GLIS2: variants seen among roughly 807,000 people sequenced by gnomAD.
GLIS2 encodes the protein zinc finger protein GLIS2.
A neutral mutation model predicts 35.6 loss-of-function variants in GLIS2; 14 were observed. That is an observed-to-expected ratio of 0.39 (90% CI 0.26 to 0.61). The LOEUF (loss-of-function observed/expected upper bound fraction) is 0.61. Among genes scored for constraint, GLIS2 ranks in the 20% least tolerant of loss-of-function variants. The probability of loss-of-function intolerance (pLI) is 0.48; values close to 1 mark genes in which losing one functional copy is unlikely to be tolerated. For missense variants in GLIS2, 675 were observed against 713.4 expected, an observed-to-expected ratio of 0.95 and a Z score of 0.61; for synonymous variants, 368 against 325.1, an observed-to-expected ratio of 1.13 and a Z score of -1.42.
intron 1 of GLIS2, among the ~76,000 whole-genome samples, chr16:4,321,310 A>G (rs568715061): frequency 6.6e-6 from 1 of 152,252 alleles, no homozygotes; most frequent in East Asian, 1.9e-4. Context: ...AGAGGCATCT[A>G]TGTCAGGAGA....
chr16:4,327,984 C>G (rs922900041), intron 1 of GLIS2, among the ~76,000 whole-genome samples: 1 of 152,036 alleles, frequency 6.6e-6, no homozygotes, highest in Admixed American at 6.5e-5. Flanking sequence ...AGAGACGCGG[C>G]CCTGGGCTCT....
chr16:4,315,383 GA>G (rs986104399), upstream of GLIS2: 30 of 152,262 alleles, frequency 2.0e-4, no homozygotes, highest in Admixed American at 3.9e-4. Context: ...GCTGGGCGGA[GA>G]AATCAGGGCC....
chr16:4,339,365 A>AGGGCCGGTGTACTTTTTGT lies in GLIS2; in HGVS notation c.*1844_*1862dup, dbSNP rs1406872975. The AGGGCCGGTGTACTTTTTGT allele has an allele frequency of 1.3e-5, 2 of 152,720 alleles. No homozygotes were observed. Among genetic ancestry groups the AGGGCCGGTGTACTTTTTGT allele is most frequent in the African/African-American group, 4.8e-5 (2 of 41,468 alleles). 9.5% of individuals were successfully genotyped at this position (152,720 alleles called of 1,614,324 possible). ...GACTCGGTGACGGACCAGGCTCGGCAGGGCCGGTGTACTTTTTGTGGTTGT... is the reference window on the plus strand; with the variant it reads ...GACTCGGTGACGGACCAGGCTCGGCAGGGCCGGTGTACTTTTTGTGGGCCGGTGTACTTTTTGTGGTTGT... On this transcript the variant is annotated 3_prime_UTR_variant, in exon 7 of 7. Coordinates refer to ENST00000433375, the MANE Select transcript of GLIS2 (RefSeq NM_032575.3).
Position 4,317,898 on chromosome 16 carries a change from C to A in GLIS2, c.-67+1644C>A, listed in dbSNP as rs561090481. 2.6e-5 allele frequency among the ~76,000 whole-genome samples: 4 copies of A among 152,216 alleles called. No homozygotes were observed. In the East Asian group the frequency reaches 7.7e-4, roughly 29 times the overall value. On this transcript the variant is annotated intron_variant, in intron 1 of 6. Transcript: ENST00000433375. ...TTTCCGGAGCTGCCATTAGCGCTGACCCCCTGTGCCTGCCCGCCCTTCCCT... is the reference window on the plus strand; with the variant it reads ...TTTCCGGAGCTGCCATTAGCGCTGAACCCCTGTGCCTGCCCGCCCTTCCCT...
chr16:4,321,161 G>A (rs963891752), intron 1 of GLIS2, among the ~76,000 whole-genome samples: 2 of 152,212 alleles, frequency 1.3e-5, no homozygotes, highest in Non-Finnish European at 2.9e-5. Flanking sequence ...GGGGGCCAGG[G>A]CTGGGAGGGC....
rs746233571 is a variant in GLIS2 at position 4,336,982 on chromosome 16, G to A, written c.1033G>A (p.Gly345Ser). The change falls in exon 7 of 7, where the codon GGC becomes AGC. Residue 345 changes from glycine to serine, a missense_variant. Gly to Ser is a moderately conservative substitution (Grantham distance 56). Around this residue, in one of 3 missense-constraint regions of GLIS2, gnomAD observed 317 missense variants for 283.2 expected, o/e 1.12. Coordinates refer to ENST00000433375, the MANE Select transcript of GLIS2 (RefSeq NM_032575.3). Reference protein sequence around the residue: ...PKPPLPAPDGGPYVSGAQIII... With the variant: ...PKPPLPAPDGSPYVSGAQIII... ...GCCGCCACTGCCCGCCCCCGACGGCGGCCCCTATGTCAGTGGGGCCCAGAT... is the reference window on the plus strand; with the variant it reads ...GCCGCCACTGCCCGCCCCCGACGGCAGCCCCTATGTCAGTGGGGCCCAGAT... 1.7e-5 allele frequency: 27 copies of A among 1,609,016 alleles called. No homozygotes were observed. Among genetic ancestry groups the A allele is most frequent in the East Asian group, 1.1e-4 (5 of 44,744 alleles).
chr16:4,324,295 C>G (rs758760929), intron 1 of GLIS2, among the ~76,000 whole-genome samples: 3 of 149,866 alleles, frequency 2.0e-5, no homozygotes, highest in Non-Finnish European at 4.4e-5. Flanking sequence ...TCTGCTGGGC[C>G]AGGCCTCAGG....
intron 1 of GLIS2, among the ~76,000 whole-genome samples, chr16:4,319,059 T>C (rs1406226623): frequency 1.3e-5 from 2 of 152,052 alleles, no homozygotes; most frequent in Non-Finnish European, 2.9e-5. Context: ...CCTCCGAAGG[T>C]TCCTGCCTCT....
chr16:4,337,665 C>G lies in GLIS2; in HGVS notation c.*141C>G. 8.0e-7 allele frequency: 1 copy of G among 1,249,008 alleles called. No homozygotes were observed. Among genetic ancestry groups the G allele is most frequent in the Non-Finnish European group, 1.1e-6 (1 of 891,738 alleles). 77.4% of individuals were successfully genotyped at this position (1,249,008 alleles called of 1,614,324 possible). Reference sequence around the variant, plus strand: ...CAGCCCGCCGGGAGCAAGGATGGTGCTAGGTCATTCATGGCTGGCCTCCCA... The same window carrying G: ...CAGCCCGCCGGGAGCAAGGATGGTGGTAGGTCATTCATGGCTGGCCTCCCA... On this transcript the variant is annotated 3_prime_UTR_variant, in exon 7 of 7. Transcript: ENST00000433375.
At chr16:4,327,668 G>T (rs931276216) in intron 1 of GLIS2, among the ~76,000 whole-genome samples, 6 of 151,588 alleles carry the variant, frequency 4.0e-5, no homozygotes, top group African/African-American at 1.5e-4. Flanking sequence ...GTGGCGGGGG[G>T]CCCGCCCAGC....
intron 1 of GLIS2, among the ~76,000 whole-genome samples, chr16:4,326,266 A>G (rs753357252): frequency 1.2e-4 from 19 of 152,164 alleles, no homozygotes; most frequent in African/African-American, 3.4e-4. Context: ...AAACAAAAAA[A>G]ACAAAGGTGA....
chr16:4,333,331 T>C lies in GLIS2; in HGVS notation c.173-16T>C, dbSNP rs372627676. On this transcript the variant is annotated splice_polypyrimidine_tract_variant and intron_variant, in intron 2 of 6. Coordinates refer to ENST00000433375, the MANE Select transcript of GLIS2 (RefSeq NM_032575.3). Reference sequence around the variant, plus strand: ...CTCTACACTCCAGCACACCCTGAACTGTGCCTCTCCCTCAGGCTTCCTGCT... The same window carrying C: ...CTCTACACTCCAGCACACCCTGAACCGTGCCTCTCCCTCAGGCTTCCTGCT... 839 of 1,612,654 alleles carry C rather than the reference T, an allele frequency of 5.2e-4. 6 individuals are homozygous for C. Among genetic ancestry groups the C allele is most frequent in the South Asian group, 5.0e-3 (452 of 91,076 alleles).
chr16:4,319,511 C>T (rs543718546), intron 1 of GLIS2, among the ~76,000 whole-genome samples: 2 of 152,242 alleles, frequency 1.3e-5, no homozygotes, highest in African/African-American at 2.4e-5. Context: ...TGGGAACTTG[C>T]GCCCTGCCCC....
At position 4,316,207 on chromosome 16, in the gene GLIS2, C is replaced by A. The variant is rs1296859015; in HGVS notation, c.-114C>A. Among the ~76,000 whole-genome samples the A allele has an allele frequency of 6.9e-6, 1 of 145,148 alleles. No homozygotes were observed. The highest frequency in any genetic ancestry group is 2.0e-4 in the East Asian group (1 of 4,894). On this transcript the variant is annotated 5_prime_UTR_variant, in exon 1 of 7. Transcript: ENST00000433375. ...CCCCCGCTCGGCTCCCCGCGCCCCC[C>A]GACCGCCGGAGCCCGCAGCCCGGAT... is the stretch of plus-strand genomic sequence containing the variant.
chr16:4,334,967 G>A lies in GLIS2; in HGVS notation c.512G>A (p.Arg171His), dbSNP rs759084039. Residue 171 changes from arginine to histidine, a missense_variant, in exon 4 of 7, where the codon CGC (arginine) becomes CAC (histidine). Coordinates refer to ENST00000433375, the MANE Select transcript of GLIS2 (RefSeq NM_032575.3). ...CCCCTGCCCAAGCAGCTGGTGTGTC[G>A]CTGGGCCAAGGTGAGTGGGGGCCAG... is the stretch of plus-strand genomic sequence containing the variant. ...DLPLPKQLVC[R>H]WAKCNQLFEL... 10 of 1,613,064 alleles carry A rather than the reference G, an allele frequency of 6.2e-6. No homozygotes were observed. Among genetic ancestry groups the A allele is most frequent in the African/African-American group, 1.3e-5 (1 of 74,924 alleles).
rs1393848325 is a variant in GLIS2, at chr16:4,336,857, G to A, written c.908G>A (p.Arg303His). 9 of 1,613,236 alleles carry A rather than the reference G, an allele frequency of 5.6e-6. No homozygotes were observed. The East Asian group carries it at 8.9e-5, about 16-fold the overall frequency. Residue 303 changes from arginine to histidine, a missense_variant, in exon 7 of 7, where the codon CGC (arginine) becomes CAC (histidine). Around this residue, in one of 3 missense-constraint regions of GLIS2, gnomAD observed 133 missense variants for 191.4 expected, o/e 0.69. Transcript: ENST00000433375. ...TGCAAGATGCCCGGCTGCCACAAGC[G>A]CTACACGGACCCCAGCTCACTGCGC... is the stretch of plus-strand genomic sequence containing the variant. Reference protein sequence around the residue: ...YYCKMPGCHKRYTDPSSLRKH... With the variant: ...YYCKMPGCHKHYTDPSSLRKH...
chr16:4,330,467 C>T (rs1216795915), intron 1 of GLIS2, among the ~76,000 whole-genome samples: 1 of 152,260 alleles, frequency 6.6e-6, no homozygotes, highest in Non-Finnish European at 1.5e-5. Context: ...CCACAATCCC[C>T]AGCTGCCCCC....
At chr16:4,319,653 G>A (rs1238693664) in intron 1 of GLIS2, among the ~76,000 whole-genome samples, 1 of 152,228 alleles carries the variant, frequency 6.6e-6, no homozygotes, top group Non-Finnish European at 1.5e-5. Flanking sequence ...CGTGGCTGGG[G>A]GCGGGGACTC....
At chr16:4,329,425 G>A (rs74402288) in intron 1 of GLIS2, among the ~76,000 whole-genome samples, 3 of 152,212 alleles carry the variant, frequency 2.0e-5, no homozygotes, top group African/African-American at 7.2e-5. Flanking sequence ...TAGGTCCCAC[G>A]GCCTAGTGCA....
Sources: allele counts gnomAD v4.1 joint callset (sites outside exome capture counted in the v4.1 genomes callset), GRCh38; gene constraint gnomAD v4.1.1; regional missense constraint gnomAD v4.1.1; transcripts MANE v1.5; gene names NCBI Gene and HGNC (gene_info 2026-07-23, HGNC 2026-07-21).